The following ZPBP variants were observed in gnomAD, a reference collection of about 807,000 sequenced individuals.
ZPBP encodes the protein zona pellucida-binding protein 1.
ZPBP carries 26 observed loss-of-function variants against 44.8 expected under a neutral mutation model. The ratio of observed to expected loss-of-function variants is 0.58; its 90% CI spans 0.43 to 0.81. The LOEUF (loss-of-function observed/expected upper bound fraction) is 0.81. Among genes scored for constraint, ZPBP ranks in the 30% least tolerant of loss-of-function variants. The pLI is 0.00. For synonymous variants in ZPBP, 174 were observed against 153.2 expected (o/e 1.14, Z -1.00); for missense variants, 409 against 434.0 (o/e 0.94, Z 0.51).
intron 1 of ZPBP, among the ~76,000 whole-genome samples, chr7:50,090,523 GTATA>G (rs775243876): frequency 2.0e-5 from 3 of 151,162 alleles, no homozygotes; most frequent in Admixed American, 2.0e-4. Context: ...GTATATATGT[GTATA>G]TATATGTGTG....
intron 6 of ZPBP, 109 bp from the exon 7 acceptor site, chr7:49,983,628 C>T: frequency 1.5e-6 from 1 of 684,294 alleles, no homozygotes; most frequent in Admixed American, 3.1e-5. Context: ...GTCTCAAGGT[C>T]ATTATTTTTT....
In ZPBP at chr7:50,069,515, G is replaced by T. The variant is rs574889912; in HGVS notation, c.335-11374C>A. Among the ~76,000 whole-genome samples the T allele has an allele frequency of 3.9e-5, 6 of 152,290 alleles. 1 individual carries two copies. In the East Asian group the frequency reaches 9.6e-4, roughly 24 times the overall value. On this transcript the variant is annotated intron_variant, in intron 3 of 7. Coordinates refer to ENST00000046087, the MANE Select transcript of ZPBP (RefSeq NM_007009.3). ...ATGCCTTGGATGTCCTCCAACCCTA[G>T]TCACCACCTTAAAACACACGACCAA... is the stretch of plus-strand genomic sequence containing the variant.
At chr7:49,954,371 A>C (rs1795480357) in intron 7 of ZPBP, among the ~76,000 whole-genome samples, 1 of 152,170 alleles carries the variant, frequency 6.6e-6, no homozygotes, top group African/African-American at 2.4e-5. Flanking sequence ...TTAAATCTTC[A>C]CGCTTTCATA....
chr7:49,995,835 A>G (rs1797807713), intron 6 of ZPBP, among the ~76,000 whole-genome samples: 1 of 152,178 alleles, frequency 6.6e-6, no homozygotes, highest in Non-Finnish European at 1.5e-5. Context: ...TCAAGGAGGT[A>G]GAAAGTAGAA....
At chr7:49,843,705 C>G in the ZPBP span, among the ~76,000 whole-genome samples, 1 of 152,176 alleles carries the variant, frequency 6.6e-6, no homozygotes, top group African/African-American at 2.4e-5. Context: ...CAGCTGAGGT[C>G]TATTAGAGAC....
intron 4 of ZPBP, among the ~76,000 whole-genome samples, chr7:50,049,759 G>A (rs141388018): frequency 3.1e-3 from 473 of 151,772 alleles, no homozygotes; most frequent in African/African-American, 0.011. Context: ...TTATGAGAAA[G>A]GTAATGATGC....
At chr7:49,869,086 A>T (rs1027976496) in intron 2 of ZPBP, among the ~76,000 whole-genome samples, 1 of 152,300 alleles carries the variant, frequency 6.6e-6, no homozygotes, top group Non-Finnish European at 1.5e-5. Context: ...AAGTGAGGAA[A>T]CATTTACACT....
At chr7:49,951,830 C>A (rs1218634266) in intron 7 of ZPBP, among the ~76,000 whole-genome samples, 1 of 151,142 alleles carries the variant, frequency 6.6e-6, no homozygotes, top group African/African-American at 2.4e-5. Context: ...TGGAAATAAC[C>A]AAATGTCCAT....
chr7:49,905,055 T>C (rs1793013324), intron 1 of ZPBP, among the ~76,000 whole-genome samples: 1 of 152,190 alleles, frequency 6.6e-6, no homozygotes, highest in Admixed American at 6.5e-5. Context: ...ATTCTAATTG[T>C]TATCTGAATA....
At chr7:50,078,256 G>A (rs1341647276) in intron 3 of ZPBP, among the ~76,000 whole-genome samples, 1 of 151,594 alleles carries the variant, frequency 6.6e-6, no homozygotes, top group African/African-American at 2.4e-5. Flanking sequence ...GTGTAGTGGG[G>A]AGTTTTAGGG....
At chr7:49,878,706 A>T (rs902145884) in intron 2 of ZPBP, among the ~76,000 whole-genome samples, 5 of 152,070 alleles carry the variant, frequency 3.3e-5, no homozygotes, top group Admixed American at 2.0e-4. Context: ...TCTCTGCCAT[A>T]ATCTTTTAAA....
At chr7:49,972,702 A>C (rs1391546109) in intron 7 of ZPBP, among the ~76,000 whole-genome samples, 1 of 152,098 alleles carries the variant, frequency 6.6e-6, no homozygotes, top group Non-Finnish European at 1.5e-5. Context: ...AATGTCAAGC[A>C]TATTTTTGCA....
intron 2 of ZPBP, among the ~76,000 whole-genome samples, chr7:49,883,268 A>C (rs1409354412): frequency 6.6e-6 from 1 of 152,100 alleles, no homozygotes; most frequent in Non-Finnish European, 1.5e-5. Flanking sequence ...CAGGGGCCAG[A>C]ATAGGCGAAT....
intron 7 of ZPBP, among the ~76,000 whole-genome samples, chr7:49,963,952 T>C (rs1795958502): frequency 1.3e-5 from 2 of 151,824 alleles, no homozygotes. Flanking sequence ...ATGCTTAGAA[T>C]GTTAGCAAAT....
chr7:49,969,901 C>G (rs764870453), intron 7 of ZPBP, among the ~76,000 whole-genome samples: 2 of 149,876 alleles, frequency 1.3e-5, no homozygotes, highest in Non-Finnish European at 3.0e-5. Context: ...TCTCTGTCAC[C>G]CAGGCTGGAA....
intron 1 of ZPBP, 67 bp downstream of exon 1, chr7:50,093,001 G>A: frequency 1.3e-6 from 2 of 1,555,848 alleles, no homozygotes; most frequent in Non-Finnish European, 1.7e-6. Flanking sequence ...ACAAGAAAAG[G>A]CAATTCGAAG....
intron 7 of ZPBP, among the ~76,000 whole-genome samples, chr7:49,971,712 T>G (rs984323020): frequency 6.6e-5 from 10 of 152,122 alleles, no homozygotes; most frequent in Admixed American, 6.5e-4. Flanking sequence ...ACAAACAATC[T>G]GAATGTTTGC....
intron 7 of ZPBP, among the ~76,000 whole-genome samples, chr7:49,947,777 C>T (rs1426207687): frequency 6.6e-6 from 1 of 152,210 alleles, no homozygotes; most frequent in African/African-American, 2.4e-5. Context: ...TCCAGCCAGG[C>T]TCATATCCTT....
rs184841445 is a variant in ZPBP at position 50,062,783 on chromosome 7, A to G, written c.335-4642T>C. ...ACACCAAGTTAACAACTATCCATTA[A>G]AAAAATACCTTCTCTTAATAACAAA... On this transcript the variant is annotated intron_variant, in intron 3 of 7. Transcript: ENST00000046087. 1.6e-3 allele frequency among the ~76,000 whole-genome samples: 235 copies of G among 150,896 alleles called. 1 individual carries two copies. Among genetic ancestry groups the G allele is most frequent in the Admixed American group, 3.5e-3 (53 of 15,264 alleles).
Sources: allele counts gnomAD v4.1 joint callset (sites outside exome capture counted in the v4.1 genomes callset), GRCh38; gene constraint gnomAD v4.1.1; transcripts MANE v1.5; gene names NCBI Gene and HGNC (gene_info 2026-07-23, HGNC 2026-07-21).